The following CALN1 variants were observed in gnomAD, a reference collection of about 807,000 sequenced individuals.
CALN1 encodes the protein calneuron 1, also known as calcium-binding protein 8.
Under a neutral mutation model 30.6 loss-of-function variants are expected in CALN1, and 17 were observed. The observed-to-expected ratio is 0.56, with a 90% CI of 0.38 to 0.83. The LOEUF (loss-of-function observed/expected upper bound fraction) is 0.83, where lower values mean the gene tolerates loss of function less well. Among genes scored for constraint, CALN1 ranks in the 40% least tolerant of loss-of-function variants. The probability of loss-of-function intolerance (pLI) is 0.00; values close to 1 mark genes in which losing one functional copy is unlikely to be tolerated. For missense variants in CALN1, 291 were observed against 354.9 expected, an observed-to-expected ratio of 0.82 and a Z score of 1.45; for synonymous variants, 156 against 131.4, an observed-to-expected ratio of 1.19 and a Z score of -1.28.
At chr7:72,226,302 C>A (rs991528098) in intron 3 of CALN1, among the ~76,000 whole-genome samples, 8 of 151,874 alleles carry the variant, frequency 5.3e-5, no homozygotes, top group African/African-American at 1.5e-4. Context: ...GTTCATGCCA[C>A]CGAGATGCTT....
chr7:72,271,891 A>G (rs1176703535), intron 3 of CALN1, among the ~76,000 whole-genome samples: 2 of 151,646 alleles, frequency 1.3e-5, no homozygotes, highest in African/African-American at 4.8e-5. Context: ...GTGAAACCCC[A>G]TTTCTACTAA....
At chr7:71,928,919 C>G (rs1265889643) in intron 5 of CALN1, among the ~76,000 whole-genome samples, 1 of 151,900 alleles carries the variant, frequency 6.6e-6, no homozygotes, top group Admixed American at 6.6e-5. Context: ...ACCTACCCCC[C>G]ACCCCCAAAC....
At chr7:71,845,006 C>T (rs1790146882) in intron 5 of CALN1, among the ~76,000 whole-genome samples, 1 of 152,148 alleles carries the variant, frequency 6.6e-6, no homozygotes, top group Non-Finnish European at 1.5e-5. Flanking sequence ...ACCTCAGCCT[C>T]CCAACTAGCT....
chr7:72,116,376 A>G (rs1336982725), intron 3 of CALN1, among the ~76,000 whole-genome samples: 1 of 152,238 alleles, frequency 6.6e-6, no homozygotes, highest in African/African-American at 2.4e-5. Context: ...AAGGCTTAAG[A>G]TTTACCTAAG....
At chr7:72,390,038 G>GTTC (rs1420907457) in intron 2 of CALN1, among the ~76,000 whole-genome samples, 2 of 152,078 alleles carry the variant, frequency 1.3e-5, no homozygotes, top group Non-Finnish European at 2.9e-5. Flanking sequence ...AGTATGATGA[G>GTTC]TTCTATGGGC....
At chr7:71,815,878 C>T (rs1389869811) in intron 5 of CALN1, among the ~76,000 whole-genome samples, 2 of 143,114 alleles carry the variant, frequency 1.4e-5, no homozygotes, top group African/African-American at 2.6e-5. Flanking sequence ...TTCCTTCCCT[C>T]CTTCCTCTCT....
chr7:71,874,662 G>A (rs1001285017), intron 5 of CALN1, among the ~76,000 whole-genome samples: 7 of 152,130 alleles, frequency 4.6e-5, no homozygotes, highest in Admixed American at 1.3e-4. Context: ...GATTCCCCGG[G>A]GCTAGTTCTG....
chr7:71,786,819 A>G lies in CALN1; in HGVS notation c.*956T>C, dbSNP rs1584203956. 6.6e-6 allele frequency: 1 copy of G among 151,898 alleles called. No homozygotes were observed. Among genetic ancestry groups the G allele is most frequent in the Non-Finnish European group, 1.5e-5 (1 of 67,924 alleles). 9.4% of individuals were successfully genotyped at this position (151,898 alleles called of 1,614,324 possible). Reference sequence around the variant, plus strand: ...GGCTGGGTGTGGGTATCAAAACCTCACCGCCAGTCCCAGTCCCCTCCCCCC... The same window carrying G: ...GGCTGGGTGTGGGTATCAAAACCTCGCCGCCAGTCCCAGTCCCCTCCCCCC... On this transcript the variant is annotated 3_prime_UTR_variant, in exon 7 of 7. Coordinates refer to ENST00000395275, the MANE Select transcript of CALN1 (RefSeq NM_031468.4).
At chr7:72,235,071 G>T (rs959454247) in intron 3 of CALN1, among the ~76,000 whole-genome samples, 2 of 152,120 alleles carry the variant, frequency 1.3e-5, no homozygotes, top group Admixed American at 1.3e-4. Context: ...TCAGAAGTTT[G>T]AGACCACCCT....
At chr7:72,205,574 A>ATATATACATATATATATACG (rs1791805218) in intron 3 of CALN1, among the ~76,000 whole-genome samples, 3 of 123,750 alleles carry the variant, frequency 2.4e-5, no homozygotes, top group African/African-American at 1.1e-4. Context: ...ATATGTATAT[A>ATATATACATATATATATACG]TATATATATA....
intron 2 of CALN1, among the ~76,000 whole-genome samples, chr7:72,307,826 C>T (rs375105732): frequency 3.3e-5 from 5 of 151,878 alleles, no homozygotes; most frequent in South Asian, 4.2e-4. Context: ...GACTGAAAGA[C>T]GGCTGTTGCC....
intron 2 of CALN1, among the ~76,000 whole-genome samples, chr7:72,305,005 G>C (rs1799552059): frequency 6.6e-6 from 1 of 152,214 alleles, no homozygotes. Flanking sequence ...CAGGACCAAG[G>C]CTGCCTGATG....
At chr7:72,134,927 T>G (rs192042108) in intron 3 of CALN1, among the ~76,000 whole-genome samples, 1 of 152,346 alleles carries the variant, frequency 6.6e-6, no homozygotes, top group Non-Finnish European at 1.5e-5. Context: ...GATGGAATAT[T>G]CTACAACGTT....
chr7:72,404,812 A>G (rs1367599021), intron 1 of CALN1, among the ~76,000 whole-genome samples: 2 of 152,184 alleles, frequency 1.3e-5, no homozygotes, highest in East Asian at 1.9e-4. Context: ...GATGGTGGAC[A>G]TTATTGTTGC....
In CALN1 at chr7:72,325,407, C is replaced by T. The variant is rs971871774; in HGVS notation, c.120-46597G>A. On this transcript the variant is annotated intron_variant, in intron 2 of 6. Transcript: ENST00000395275. The stretch of plus-strand genomic sequence containing the variant: ...CCTGAGGTCAAGAGTTCGAGACCAG[C>T]CTGGCCAACATAGGGAAACCCTGTC... Among the ~76,000 whole-genome samples the T allele has an allele frequency of 8.5e-5, 13 of 152,142 alleles. 1 individual carries two copies. The highest frequency in any genetic ancestry group is 2.7e-4 in the African/African-American group (11 of 41,444).
chr7:72,328,271 G>C (rs770473128), intron 2 of CALN1, among the ~76,000 whole-genome samples: 1 of 152,090 alleles, frequency 6.6e-6, no homozygotes, highest in African/African-American at 2.4e-5. Context: ...TCAAGGGTGG[G>C]GCCAGGTGGA....
intron 2 of CALN1, among the ~76,000 whole-genome samples, chr7:72,401,524 G>A (rs4457218): frequency 0.018 from 2,798 of 152,292 alleles, 83 homozygotes; most frequent in African/African-American, 0.063. Context: ...CAAGCCAGAA[G>A]GTGTAGAGAC....
At chr7:72,387,120 GATC>G (rs1022054173) in intron 2 of CALN1, among the ~76,000 whole-genome samples, 1 of 143,086 alleles carries the variant, frequency 7.0e-6, no homozygotes, top group African/African-American at 2.6e-5. Context: ...ATTTGTACTG[GATC>G]ATAACCCAAA....
chr7:72,137,029 C>T (rs747621999), intron 3 of CALN1, among the ~76,000 whole-genome samples: 1 of 152,156 alleles, frequency 6.6e-6, no homozygotes, highest in Non-Finnish European at 1.5e-5. Context: ...AGAAAACAAA[C>T]CTGAGAGGGG....
Sources: allele counts gnomAD v4.1 joint callset (sites outside exome capture counted in the v4.1 genomes callset), GRCh38; gene constraint gnomAD v4.1.1; transcripts MANE v1.5; gene names NCBI Gene and HGNC (gene_info 2026-07-23, HGNC 2026-07-21).